The following METTL25B variants were observed in gnomAD, a reference collection of about 807,000 sequenced individuals.
The protein encoded by METTL25B is methyltransferase like 25B.
METTL25B carries 38 observed loss-of-function variants against 48.4 expected under a neutral mutation model. The ratio of observed to expected loss-of-function variants is 0.78; its 90% CI spans 0.61 to 1.03. The LOEUF is 1.03. Among genes scored for constraint, METTL25B ranks in the 50% least tolerant of loss-of-function variants. The probability of loss-of-function intolerance (pLI) is 0.00; values close to 1 mark genes in which losing one functional copy is unlikely to be tolerated. For missense variants in METTL25B, 537 were observed against 603.7 expected, an observed-to-expected ratio of 0.89 and a Z score of 1.16; for synonymous variants, 230 against 254.5, an observed-to-expected ratio of 0.90 and a Z score of 0.92.
intron 1 of METTL25B, among the ~76,000 whole-genome samples, chr1:156,731,392 G>A (rs1040280012): frequency 2.6e-5 from 4 of 152,202 alleles, no homozygotes; most frequent in Non-Finnish European, 4.4e-5. Context: ...CCAAAGTGCT[G>A]GGATTACAGG....
At position 156,728,754 on chromosome 1, in the gene METTL25B, A is replaced by C; in HGVS notation, c.-351A>C. The C allele has an allele frequency of 9.8e-7, 1 of 1,023,168 alleles. No homozygotes were observed. The allele number at this position is 1,023,168 out of a possible 1,614,324, so 63.4% of individuals were successfully genotyped here. A position where few individuals can be genotyped will look rare whatever the true frequency, so the allele number is the denominator to read the frequency against. On this transcript the variant is annotated 5_prime_UTR_variant, in exon 1 of 8. Transcript: ENST00000368216. ...ACACCTCCGGCTTCACTTCCGTAAG[A>C]GGAGAGGAGTGTACGGCAAGGGGCG... is the stretch of plus-strand genomic sequence containing the variant.
At chr1:156,729,788 G>A (rs1325530999) in intron 1 of METTL25B, among the ~76,000 whole-genome samples, 1 of 152,146 alleles carries the variant, frequency 6.6e-6, no homozygotes, top group Non-Finnish European at 1.5e-5. Context: ...ACTTGTCCTA[G>A]TCCGGGTTTC....
intron 2 of METTL25B, 25 bp downstream of exon 2, chr1:156,732,140 T>G: frequency 6.2e-7 from 1 of 1,613,934 alleles, no homozygotes; most frequent in Non-Finnish European, 8.5e-7. Flanking sequence ...GTCCCTGTGC[T>G]GGGGAACTCA....
intron 6 of METTL25B, among the ~76,000 whole-genome samples, chr1:156,735,065 G>C (rs918234146): frequency 2.0e-5 from 3 of 151,638 alleles, no homozygotes; most frequent in African/African-American, 7.3e-5. Context: ...GATACGGGCC[G>C]ATCACCTGAG....
intron 1 of METTL25B, among the ~76,000 whole-genome samples, chr1:156,730,214 T>A (rs1649155598): frequency 6.6e-6 from 1 of 152,232 alleles, no homozygotes; most frequent in African/African-American, 2.4e-5. Flanking sequence ...AACTCCTTAC[T>A]ATTACCTATA....
chr1:156,733,064 A>G lies in METTL25B; in HGVS notation c.492+17A>G. The G allele has an allele frequency of 3.1e-6, 5 of 1,612,436 alleles. No individual in the cohort carries two copies. The highest frequency in any genetic ancestry group is 4.2e-6 in the Non-Finnish European group (5 of 1,179,028). ...TCAGGCCAGGTGAGCCAGAGTCTTG[A>G]TGTACTGTTTTTTTGAGTCATGGGG... On this transcript the variant is annotated intron_variant, in intron 4 of 7. Transcript: ENST00000368216.
At chr1:156,732,212 C>T (rs1226882017) in intron 2 of METTL25B, 69 bp from the exon 3 acceptor site, 7 of 1,607,578 alleles carry the variant, frequency 4.4e-6, no homozygotes, top group Non-Finnish European at 6.0e-6. Context: ...TCCTGGGCCT[C>T]GGGTTGTAAA....
intron 1 of METTL25B, 196 bp downstream of exon 1, chr1:156,729,411 TTTTC>T (rs1649043098): frequency 2.1e-6 from 1 of 476,896 alleles, no homozygotes. Flanking sequence ...ATTTCTTTTT[TTTTC>T]TTTTTCTTTT....
intron 4 of METTL25B, 47 bp from the exon 5 acceptor site, chr1:156,733,329 TG>T (rs370162579): frequency 1.3e-5 from 21 of 1,602,540 alleles, no homozygotes; most frequent in African/African-American, 9.4e-5. Flanking sequence ...AGGGTGATAG[TG>T]GATAGGGCAC....
Position 156,729,143 on chromosome 1 carries a change from G to A in METTL25B, c.39G>A (p.Gly13=), listed in dbSNP as rs1649001263. 6.2e-7 allele frequency: 1 copy of A among 1,611,092 alleles called. No homozygotes were observed. Among genetic ancestry groups the A allele is most frequent in the Non-Finnish European group, 8.5e-7 (1 of 1,179,176 alleles). Residue 13 remains glycine, a synonymous_variant, in exon 1 of 8, where the codon GGG becomes GGA. Transcript: ENST00000368216. The part of the protein sequence containing the change: ...GISARGLSHE[G]RKQLAVNLTR... ...CCGCCCGAGGCCTCTCTCATGAGGG[G>A]AGGAAGCAGCTAGCTGTTAACCTCA...
rs1406625535 is a variant in METTL25B, at chr1:156,732,391, C to G, written c.347C>G (p.Pro116Arg). ...ACCCCCTCAGAATTCCTGGAGAACC[C>G]CAGCCAGAGCTCCCGACTAACAGCT... Reference protein sequence around the residue: ...FQTPSEFLENPSQSSRLTAPF... With the variant: ...FQTPSEFLENRSQSSRLTAPF... Residue 116 changes from proline to arginine, a missense_variant, in exon 3 of 8, where the codon CCC (proline) becomes CGC (arginine). Physicochemically the swap from Pro to Arg is moderately radical, Grantham distance 103. Coordinates refer to ENST00000368216, the MANE Select transcript of METTL25B (RefSeq NM_015997.4). 1 of 1,614,206 alleles carries G rather than the reference C, an allele frequency of 6.2e-7. No homozygotes were observed. The highest frequency in any genetic ancestry group is 1.1e-5 in the South Asian group (1 of 91,090).
chr1:156,736,001 C>CT (rs1219610466), intron 7 of METTL25B, 92 bp downstream of exon 7: 6 of 1,127,676 alleles, frequency 5.3e-6, no homozygotes, highest in Non-Finnish European at 7.7e-6. Context: ...TCTTCTGGGC[C>CT]TAGCTAATCA....
chr1:156,736,261 G>A (rs1649787993), intron 7 of METTL25B: 1 of 253,534 alleles, frequency 3.9e-6, no homozygotes, highest in Non-Finnish European at 7.6e-6. Flanking sequence ...TTGGGTGGTT[G>A]AGGCAAAAGA....
At chr1:156,733,886 C>T (rs953499693) in intron 5 of METTL25B, 123 bp from the exon 6 acceptor site, 4 of 1,384,196 alleles carry the variant, frequency 2.9e-6, no homozygotes, top group African/African-American at 2.9e-5. Context: ...CCCGCACCCA[C>T]CTTATCTCCC....
intron 1 of METTL25B, 38 bp downstream of exon 1, chr1:156,729,253 G>T (rs370569184): frequency 1.5e-6 from 2 of 1,328,404 alleles, no homozygotes; most frequent in Non-Finnish European, 2.2e-6. Flanking sequence ...GTCTCTGGTC[G>T]TGTGGTTGGC....
chr1:156,735,713 C>T lies in METTL25B; in HGVS notation c.1122-12C>T. ...AAACCAAACTGAGTGCTGAATGTGA[C>T]TGATCCCACAGATATGTGCAGCGGG... On this transcript the variant is annotated splice_polypyrimidine_tract_variant and intron_variant, in intron 6 of 7. Coordinates refer to ENST00000368216, the MANE Select transcript of METTL25B (RefSeq NM_015997.4). 1 of 1,589,304 alleles carries T rather than the reference C, an allele frequency of 6.3e-7. No individual in the cohort carries two copies. The highest frequency in any genetic ancestry group is 8.6e-7 in the Non-Finnish European group (1 of 1,164,402).
chr1:156,736,581 C>T (rs1424738585), intron 7 of METTL25B, 51 bp from the exon 8 acceptor site: 1 of 1,609,324 alleles, frequency 6.2e-7, no homozygotes, highest in East Asian at 2.2e-5. Flanking sequence ...GCAGAAGAGG[C>T]TGAGTGAGTT....
At chr1:156,732,561 C>T in intron 3 of METTL25B, 88 bp downstream of exon 3, 1 of 1,241,246 alleles carries the variant, frequency 8.1e-7, no homozygotes, top group Non-Finnish European at 1.1e-6. Context: ...CTTTACCTCA[C>T]ATGCAAGGCC....
At chr1:156,732,533 C>A in intron 3 of METTL25B, 60 bp downstream of exon 3, 1 of 1,540,748 alleles carries the variant, frequency 6.5e-7, no homozygotes, top group Non-Finnish European at 8.9e-7. Context: ...TTAAGCCTGG[C>A]TTACAAATAT....
Sources: gnomAD v4.1 joint callset for allele counts (sites outside exome capture counted in the v4.1 genomes callset) on GRCh38, gnomAD v4.1.1 for gene constraint, MANE v1.5 for transcripts, NCBI Gene and HGNC (gene_info 2026-07-23, HGNC 2026-07-21) for gene names.